The following PPP1R1C variants were observed in gnomAD, a reference collection of about 807,000 sequenced individuals.
PPP1R1C encodes protein phosphatase 1 regulatory subunit 1C.
Under a neutral mutation model 17.4 loss-of-function variants are expected in PPP1R1C, and 15 were observed. The observed-to-expected ratio is 0.86, with a 90% CI of 0.58 to 1.33. The LOEUF (loss-of-function observed/expected upper bound fraction) is 1.33, where lower values mean the gene tolerates loss of function less well. PPP1R1C is among the 40% of genes most tolerant of loss of function. PPP1R1C has a pLI of 0.00. For missense variants in PPP1R1C, 143 were observed against 130.0 expected, an observed-to-expected ratio of 1.10 and a Z score of -0.48; for synonymous variants, 35 against 43.1, an observed-to-expected ratio of 0.81 and a Z score of 0.73.
intron 2 of PPP1R1C, among the ~76,000 whole-genome samples, chr2:182,002,937 C>G (rs201320288): frequency 8.7e-4 from 120 of 137,966 alleles, no homozygotes; most frequent in Admixed American, 2.9e-3. Flanking sequence ...ACCTCCCCCC[C>G]CCCACAACCC....
intron 2 of PPP1R1C, among the ~76,000 whole-genome samples, chr2:182,060,036 G>A (rs747596795): frequency 6.6e-6 from 1 of 152,080 alleles, no homozygotes; most frequent in Non-Finnish European, 1.5e-5. Context: ...GCAAAAAATA[G>A]TGCACATTGA....
intron 2 of PPP1R1C, among the ~76,000 whole-genome samples, chr2:181,978,057 A>G (rs1685125069): frequency 6.6e-6 from 1 of 152,310 alleles, no homozygotes; most frequent in African/African-American, 2.4e-5. Context: ...TCATGGTGGA[A>G]GACAAAGAAA....
intron 4 of PPP1R1C, among the ~76,000 whole-genome samples, chr2:182,074,129 C>A (rs912027225): frequency 4.0e-4 from 61 of 151,018 alleles, no homozygotes; most frequent in African/African-American, 1.4e-3. Context: ...GCAAGCTCTG[C>A]CTCCCGGGTT....
intron 2 of PPP1R1C, among the ~76,000 whole-genome samples, chr2:182,056,026 A>G (rs1687674475): frequency 1.3e-5 from 2 of 152,166 alleles, no homozygotes; most frequent in Admixed American, 1.3e-4. Context: ...GTCATCTAGA[A>G]TGAGATCCTA....
chr2:181,993,240 C>T (rs897890867), intron 2 of PPP1R1C, among the ~76,000 whole-genome samples: 2 of 151,890 alleles, frequency 1.3e-5, no homozygotes, highest in Admixed American at 1.3e-4. Flanking sequence ...AATTTATTTC[C>T]AGTATTAAGG....
At chr2:181,988,000 A>T (rs963795290) in intron 2 of PPP1R1C, 101 bp downstream of exon 2, 13 of 892,628 alleles carry the variant, frequency 1.5e-5, no homozygotes, top group Non-Finnish European at 2.3e-5. Context: ...TTAGGATTTC[A>T]CAGTTAGCAA....
chr2:181,983,110 C>T (rs1004406993), upstream of PPP1R1C, among the ~76,000 whole-genome samples: 1 of 152,130 alleles, frequency 6.6e-6, no homozygotes, highest in African/African-American at 2.4e-5. Context: ...ATCTTAAGAT[C>T]TTTTACCATG....
intron 2 of PPP1R1C, among the ~76,000 whole-genome samples, chr2:182,004,483 T>C (rs1432026602): frequency 6.6e-6 from 1 of 152,080 alleles, no homozygotes; most frequent in Non-Finnish European, 1.5e-5. Flanking sequence ...AGGAAGAGTA[T>C]GCTGAAATCT....
intron 4 of PPP1R1C, among the ~76,000 whole-genome samples, chr2:182,077,898 T>C (rs1392092747): frequency 6.6e-6 from 1 of 152,222 alleles, no homozygotes; most frequent in Non-Finnish European, 1.5e-5. Flanking sequence ...AGTGGAACCC[T>C]TGCCGGGCGT....
intron 2 of PPP1R1C, among the ~76,000 whole-genome samples, chr2:182,030,416 A>G (rs1686782360): frequency 1.3e-5 from 2 of 151,380 alleles, no homozygotes; most frequent in South Asian, 4.2e-4. Flanking sequence ...TCTGTTTGTT[A>G]GTTTTCCTTC....
downstream of PPP1R1C, among the ~76,000 whole-genome samples, chr2:182,122,345 T>C (rs968816169): frequency 2.0e-5 from 3 of 152,158 alleles, no homozygotes; most frequent in African/African-American, 7.2e-5. Context: ...CTTTTTTTTA[T>C]AGTTACAAAT....
chr2:182,119,455 C>T (rs376295682), downstream of PPP1R1C, among the ~76,000 whole-genome samples: 19 of 152,190 alleles, frequency 1.2e-4, no homozygotes, highest in East Asian at 3.7e-3. Context: ...GGTATTTCTA[C>T]TTCTAGATCC....
In PPP1R1C at chr2:182,029,230, C is replaced by T. The variant is rs368528808; in HGVS notation, c.143-32212C>T. Among the ~76,000 whole-genome samples, 546 of 146,608 alleles carry T rather than the reference C, an allele frequency of 3.7e-3. 1 individual carries two copies. Among genetic ancestry groups the T allele is most frequent in the African/African-American group, 0.014 (524 of 37,502 alleles). On this transcript the variant is annotated intron_variant, in intron 2 of 4. Transcript: ENST00000682840. ...CATTTACATTTAAAGTTAATATTGT[C>T]ATGTGTGAATTTGATCCTGTCATTA...
intron 2 of PPP1R1C, among the ~76,000 whole-genome samples, chr2:181,990,182 A>G (rs1685434844): frequency 6.6e-6 from 1 of 151,532 alleles, no homozygotes; most frequent in African/African-American, 2.4e-5. Context: ...TCTGTCGCCC[A>G]GGCTTGAGTG....
chr2:182,064,465 G>A (rs1687932431), intron 4 of PPP1R1C, among the ~76,000 whole-genome samples: 1 of 152,032 alleles, frequency 6.6e-6, no homozygotes, highest in South Asian at 2.1e-4. Context: ...TTTCCAGTCT[G>A]GTGCTTGGGC....
In PPP1R1C at chr2:181,985,897, G is replaced by C; in HGVS notation, c.-214G>C. The C allele has an allele frequency of 1.7e-6, 1 of 596,922 alleles. No individual in the cohort carries two copies. 37.0% of individuals were successfully genotyped at this position (596,922 alleles called of 1,614,324 possible). A position where few individuals can be genotyped will look rare whatever the true frequency, so the allele number is the denominator to read the frequency against. On this transcript the variant is annotated 5_prime_UTR_variant, in exon 1 of 5. Coordinates refer to ENST00000682840, the MANE Select transcript of PPP1R1C (RefSeq NM_001080545.3). This position sits in a 1 kb window ranked among gnomAD's most constrained non-coding sequence, Gnocchi z 4.1. ...TGCTGAGAGGATCCAAGGGATTGGTGGGGGAACAGGCAAGCCAGGCATCAC... is the reference window on the plus strand; with the variant it reads ...TGCTGAGAGGATCCAAGGGATTGGTCGGGGAACAGGCAAGCCAGGCATCAC...
chr2:181,968,449 C>G (rs930573568), intron 1 of PPP1R1C, among the ~76,000 whole-genome samples: 4 of 151,724 alleles, frequency 2.6e-5, no homozygotes, highest in Non-Finnish European at 5.9e-5. Context: ...TATATAATGA[C>G]CTTTTTGTCC....
At chr2:182,081,405 A>G (rs1220057114) in intron 4 of PPP1R1C, among the ~76,000 whole-genome samples, 1 of 152,210 alleles carries the variant, frequency 6.6e-6, no homozygotes, top group African/African-American at 2.4e-5. Flanking sequence ...CAAAGAGAAG[A>G]TTCAATACAT....
chr2:182,025,249 G>A (rs1431771675), intron 2 of PPP1R1C, among the ~76,000 whole-genome samples: 3 of 145,696 alleles, frequency 2.1e-5, no homozygotes, highest in Non-Finnish European at 3.0e-5. Context: ...GGGTACATGT[G>A]CACATTGTGC....
Sources: gnomAD v4.1 joint callset for allele counts (sites outside exome capture counted in the v4.1 genomes callset) on GRCh38, gnomAD v4.1.1 for gene constraint, Gnocchi (gnomAD v3.1) non-coding constraint, MANE v1.5 for transcripts, NCBI Gene and HGNC (gene_info 2026-07-23, HGNC 2026-07-21) for gene names.